CABYR: variants seen among roughly 807,000 people sequenced by gnomAD.
The protein encoded by CABYR is calcium binding tyrosine phosphorylation regulated.
Under a neutral mutation model 36.1 loss-of-function variants are expected in CABYR, and 31 were observed. The observed-to-expected ratio is 0.86, with a 90% CI of 0.64 to 1.16. The LOEUF is 1.16. Among genes scored for constraint, CABYR ranks in the 50% most tolerant of loss-of-function variants. The pLI, the probability that CABYR is intolerant of heterozygous loss-of-function variation, is 0.00. For synonymous variants in CABYR, 146 were observed against 160.7 expected, an observed-to-expected ratio of 0.91 and a Z score of 0.69; for missense variants, 429 against 455.8, an observed-to-expected ratio of 0.94 and a Z score of 0.53.
chr18:24,153,180 T>C (rs1214314636), intron 3 of CABYR, among the ~76,000 whole-genome samples: 1 of 152,070 alleles, frequency 6.6e-6, no homozygotes, highest in African/African-American at 2.4e-5. Flanking sequence ...TGGTTAGCAG[T>C]ACAGGAGGTT....
intron 3 of CABYR, among the ~76,000 whole-genome samples, chr18:24,144,767 CCCAAAAGACTCACTAATTAA>C: frequency 6.6e-6 from 1 of 152,272 alleles, no homozygotes; most frequent in Non-Finnish European, 1.5e-5. Flanking sequence ...GGAGCAATAG[CCCAAAAGACTCACTAATTAA>C]CCAAAAGACT....
chr18:24,143,134 G>C lies in CABYR; in HGVS notation c.20G>C (p.Arg7Thr). 8 of 1,610,080 alleles carry C rather than the reference G, an allele frequency of 5.0e-6. No individual in the cohort carries two copies. The highest frequency in any genetic ancestry group is 6.8e-6 in the Non-Finnish European group (8 of 1,178,762). Residue 7 changes from arginine (R) to threonine (T), a missense_variant, in exon 2 of 6, where the codon AGA becomes ACA. Coordinates refer to ENST00000399496, the MANE Select transcript of CABYR (RefSeq NM_153769.3). The part of the protein sequence containing the change: MISSKP[R>T]LVVPYGLKTL... ...GCCAAAATGATTTCTTCAAAGCCCAGACTTGTCGTACCCTATGGCCTCAAG... is the reference window on the plus strand; with the variant it reads ...GCCAAAATGATTTCTTCAAAGCCCACACTTGTCGTACCCTATGGCCTCAAG...
intron 3 of CABYR, among the ~76,000 whole-genome samples, chr18:24,152,281 G>A (rs2145873070): frequency 6.6e-6 from 1 of 152,260 alleles, no homozygotes; most frequent in African/African-American, 2.4e-5. Flanking sequence ...TTTATTCAGT[G>A]CTTTCAGATG....
intron 4 of CABYR, chr18:24,156,427 T>G: frequency 6.2e-7 from 1 of 1,614,210 alleles, no homozygotes; most frequent in Non-Finnish European, 8.5e-7. Context: ...GTTGTTTATA[T>G]CGAGCAACTG....
Position 24,159,561 on chromosome 18 carries a change from C to A in CABYR, c.631C>A (p.Pro211Thr). The A allele has an allele frequency of 6.2e-7, 1 of 1,613,978 alleles. No homozygotes were observed. Among genetic ancestry groups the A allele is most frequent in the South Asian group, 1.1e-5 (1 of 91,066 alleles). Residue 211 changes from proline (P) to threonine (T), a missense_variant, in exon 5 of 6, where the codon CCA (proline) becomes ACA (threonine). By Grantham distance (38) the Pro-to-Thr change is conservative (BLOSUM62 -1). Transcript: ENST00000399496. The part of the protein sequence containing the change: ...CLTDKNQQGH[P>T]SPPPAPGPFP... The stretch of plus-strand genomic sequence containing the variant: ...AACTGATAAGAATCAACAAGGTCAC[C>A]CATCACCGCCACCTGCACCTGGGCC...
chr18:24,150,552 G>T, intron 3 of CABYR: 1 of 981,714 alleles, frequency 1.0e-6, no homozygotes, highest in Non-Finnish European at 1.2e-6. Flanking sequence ...TGCAACTAAT[G>T]TTTGTTGAAT....
chr18:24,154,116 A>AAAG (rs1341495729), intron 3 of CABYR, among the ~76,000 whole-genome samples: 1 of 151,226 alleles, frequency 6.6e-6, no homozygotes, highest in Non-Finnish European at 1.5e-5. Flanking sequence ...AAAAAAAAAA[A>AAAG]AAAAAAAAAA....
intron 4 of CABYR, among the ~76,000 whole-genome samples, chr18:24,158,026 G>A (rs1328298118): frequency 6.6e-6 from 1 of 152,198 alleles, no homozygotes; most frequent in East Asian, 1.9e-4. Flanking sequence ...GAAAGGCAGA[G>A]GGCAGCGCTG....
chr18:24,160,485 G>GAACA, intron 5 of CABYR, among the ~76,000 whole-genome samples: 1 of 152,344 alleles, frequency 6.6e-6, no homozygotes, highest in African/African-American at 2.4e-5. Context: ...TTATGTAACA[G>GAACA]AACACTTAAT....
rs139884484 is a variant in CABYR at position 24,153,792 on chromosome 18, T to C, written c.200-1909T>C. On this transcript the variant is annotated intron_variant, in intron 3 of 5. Transcript: ENST00000399496. ...TATATCCTAAGCATAAGAGTAACTCTCCCAAGGTCAGGCTTAAATAAGATT... is the reference window on the plus strand; with the variant it reads ...TATATCCTAAGCATAAGAGTAACTCCCCCAAGGTCAGGCTTAAATAAGATT... 2.9e-3 allele frequency among the ~76,000 whole-genome samples: 445 copies of C among 152,248 alleles called. 1 individual carries two copies. The highest frequency in any genetic ancestry group is 8.2e-3 in the African/African-American group (339 of 41,548).
chr18:24,151,021 T>G (rs1285928355), intron 3 of CABYR, among the ~76,000 whole-genome samples: 1 of 152,196 alleles, frequency 6.6e-6, no homozygotes, highest in Non-Finnish European at 1.5e-5. Context: ...TTATACAGCC[T>G]CTCGTATCTC....
chr18:24,141,183 G>A (rs1004681767), intron 1 of CABYR, among the ~76,000 whole-genome samples: 1 of 152,238 alleles, frequency 6.6e-6, no homozygotes, highest in Admixed American at 6.5e-5. Context: ...TATACTGAAA[G>A]GATTTGCTTT....
chr18:24,160,297 C>G (rs374310373), intron 5 of CABYR: 1 of 506,786 alleles, frequency 2.0e-6, no homozygotes, highest in East Asian at 3.3e-5. Context: ...ATTTGATGCC[C>G]GATACATGAA....
Position 24,155,993 on chromosome 18 carries a change from G to A in CABYR, c.492G>A (p.Glu164=). The A allele has an allele frequency of 6.2e-7, 1 of 1,614,174 alleles. No individual in the cohort carries two copies. Among genetic ancestry groups the A allele is most frequent in the Non-Finnish European group, 8.5e-7 (1 of 1,180,040 alleles). ...SSPPPTAVSP[E]FAYVPADPAQ... is the part of the protein sequence containing the mutation. ...CACCTCCAACAGCTGTCTCACCAGA[G>A]TTTGCCTACGTCCCAGCTGACCCAG... is the stretch of plus-strand genomic sequence containing the variant. Residue 164 remains glutamate, a synonymous_variant, in exon 4 of 6, where the codon GAG becomes GAA. Transcript: ENST00000399496.
Position 24,153,252 on chromosome 18 carries a change from G to A in CABYR, c.200-2449G>A, listed in dbSNP as rs62089643. On this transcript the variant is annotated intron_variant, in intron 3 of 5. Coordinates refer to ENST00000399496, the MANE Select transcript of CABYR (RefSeq NM_153769.3). The stretch of plus-strand genomic sequence containing the variant: ...ACTTGTGCACCTGGGCTTTGGACAC[G>A]GGGCTTTCTCGGTGTTCCTGCCCTC... Among the ~76,000 whole-genome samples the A allele has an allele frequency of 1.7e-4, 26 of 152,048 alleles. No individual in the cohort carries two copies. In the South Asian group the frequency reaches 1.9e-3, roughly 11 times the overall value.
At chr18:24,151,032 T>G (rs2085618364) in intron 3 of CABYR, among the ~76,000 whole-genome samples, 1 of 151,968 alleles carries the variant, frequency 6.6e-6, no homozygotes, top group Non-Finnish European at 1.5e-5. Context: ...CTCGTATCTC[T>G]TGTTAGGCCC....
chr18:24,153,663 T>A (rs1248880491), intron 3 of CABYR, among the ~76,000 whole-genome samples: 1 of 152,224 alleles, frequency 6.6e-6, no homozygotes, highest in Non-Finnish European at 1.5e-5. Context: ...GGTTACCTTT[T>A]GACTTCAGCT....
intron 3 of CABYR, among the ~76,000 whole-genome samples, chr18:24,149,150 T>A (rs924633201): frequency 6.6e-6 from 1 of 151,128 alleles, no homozygotes; most frequent in East Asian, 2.0e-4. Context: ...CCCACCAGAG[T>A]AGCTAGATAC....
At chr18:24,142,480 G>A (rs2085348237) in intron 1 of CABYR, among the ~76,000 whole-genome samples, 1 of 152,168 alleles carries the variant, frequency 6.6e-6, no homozygotes, top group Non-Finnish European at 1.5e-5. Flanking sequence ...TACATGAAAT[G>A]TTAACTGCAC....
Sources: gnomAD v4.1 joint callset for allele counts (sites outside exome capture counted in the v4.1 genomes callset) on GRCh38, gnomAD v4.1.1 for gene constraint, MANE v1.5 for transcripts, NCBI Gene and HGNC (gene_info 2026-07-23, HGNC 2026-07-21) for gene names.